The following SLA2 variants were observed in gnomAD, a reference collection of about 807,000 sequenced individuals.
SLA2 encodes the protein src-like-adapter 2.
A neutral mutation model predicts 27.3 loss-of-function variants in SLA2; 22 were observed. The ratio of observed to expected loss-of-function variants is 0.81; its 90% confidence interval spans 0.58 to 1.15. The LOEUF (loss-of-function observed/expected upper bound fraction) is 1.15, where lower values mean the gene tolerates loss of function less well. SLA2 is among the 50% of genes most tolerant of loss of function. The pLI is 0.00. For synonymous variants in SLA2, 131 were observed against 137.8 expected (o/e 0.95, Z 0.34); for missense variants, 304 against 322.2 (o/e 0.94, Z 0.43).
intron 5 of SLA2, among the ~76,000 whole-genome samples, chr20:36,627,387 C>A (rs2039350244): frequency 6.6e-6 from 1 of 152,120 alleles, no homozygotes; most frequent in African/African-American, 2.4e-5. Flanking sequence ...CCTAGCAGGA[C>A]CCTCCTGAAC....
At chr20:36,621,650 AC>A (rs1334078944) in intron 5 of SLA2, among the ~76,000 whole-genome samples, 2 of 150,160 alleles carry the variant, frequency 1.3e-5, no homozygotes, top group Non-Finnish European at 3.0e-5. Context: ...AAAACAAAAA[AC>A]AAAAACTGAA....
intron 5 of SLA2, among the ~76,000 whole-genome samples, chr20:36,631,443 A>G (rs1002789344): frequency 1.3e-5 from 2 of 152,162 alleles, no homozygotes; most frequent in African/African-American, 4.8e-5. Context: ...TGTGAGCCAC[A>G]GTGCCCGGCC....
chr20:36,625,415 G>A (rs935464518), intron 5 of SLA2, among the ~76,000 whole-genome samples: 1 of 151,898 alleles, frequency 6.6e-6, no homozygotes, highest in African/African-American at 2.4e-5. Context: ...AATAGAGATG[G>A]GGTTTCACCA....
intron 5 of SLA2, among the ~76,000 whole-genome samples, chr20:36,630,962 C>T (rs775916215): frequency 6.6e-6 from 1 of 152,192 alleles, no homozygotes; most frequent in African/African-American, 2.4e-5. Context: ...GTTTCTAGCT[C>T]TGACTGGCTA....
chr20:36,621,715 TAAG>T (rs1488345847), intron 5 of SLA2, among the ~76,000 whole-genome samples: 1 of 151,706 alleles, frequency 6.6e-6, no homozygotes, highest in African/African-American at 2.4e-5. Context: ...ATTTTAAAAA[TAAG>T]AACTAAACAT....
intron 1 of SLA2, among the ~76,000 whole-genome samples, chr20:36,643,326 A>G (rs754623189): frequency 1.6e-4 from 25 of 152,134 alleles, no homozygotes; most frequent in Non-Finnish European, 3.1e-4. Flanking sequence ...CATTCTTTTC[A>G]GTAGGGACAA....
chr20:36,633,402 C>T (rs1416157098), intron 4 of SLA2, 141 bp downstream of exon 4: 1 of 706,538 alleles, frequency 1.4e-6, no homozygotes, highest in Non-Finnish European at 2.5e-6. Context: ...GATGAGCTGT[C>T]TGCCCCTCTT....
At chr20:36,621,754 G>A (rs1186068692) in intron 5 of SLA2, among the ~76,000 whole-genome samples, 1 of 152,012 alleles carries the variant, frequency 6.6e-6, no homozygotes, top group African/African-American at 2.4e-5. Flanking sequence ...GCTAATGCCT[G>A]TAATCCAAGA....
Position 36,632,045 on chromosome 20 carries a change from C to A in SLA2, c.382+550G>T, listed in dbSNP as rs118120067. ...TCTCCTCTACTTCTAAGCAGGTGGC[C>A]CACAGAACACACTCAGAGAGTCCCT... On this transcript the variant is annotated intron_variant, in intron 5 of 7. Coordinates refer to ENST00000262866, the MANE Select transcript of SLA2 (RefSeq NM_032214.4). Among the ~76,000 whole-genome samples the A allele has an allele frequency of 1.6e-3, 249 of 152,232 alleles. 2 individuals are homozygous for A. Among genetic ancestry groups the A allele is most frequent in the Admixed American group, 3.5e-3 (54 of 15,292 alleles).
At chr20:36,627,891 T>C (rs2039355800) in intron 5 of SLA2, among the ~76,000 whole-genome samples, 1 of 152,224 alleles carries the variant, frequency 6.6e-6, no homozygotes, top group Non-Finnish European at 1.5e-5. Flanking sequence ...ACATGCAGGC[T>C]TGAAGCTCGT....
At chr20:36,638,987 C>T (rs142260907) in intron 2 of SLA2, among the ~76,000 whole-genome samples, 179 of 152,254 alleles carry the variant, frequency 1.2e-3, no homozygotes, top group African/African-American at 3.9e-3. Context: ...GCTGAGATTA[C>T]AGGCGTGCGC....
At chr20:36,642,904 G>A (rs990473973) in intron 1 of SLA2, among the ~76,000 whole-genome samples, 1 of 151,998 alleles carries the variant, frequency 6.6e-6, no homozygotes, top group African/African-American at 2.4e-5. Flanking sequence ...TAAGTTACGG[G>A]CTCATGCCAT....
rs1316348050 is a variant in SLA2 at position 36,613,684 on chromosome 20, G to A, written c.*182C>T. 4 of 649,954 alleles carry A rather than the reference G, an allele frequency of 6.2e-6. No homozygotes were observed. In the African/African-American group the frequency reaches 7.4e-5, roughly 12 times the overall value. The allele number at this position is 649,954 out of a possible 1,614,324, so 40.3% of individuals were successfully genotyped here. ...GCAGGTGGGATCATGGCACTGGAAGGAAGTAGGTGACTTCTAAGGGCTAAG... is the reference window on the plus strand; with the variant it reads ...GCAGGTGGGATCATGGCACTGGAAGAAAGTAGGTGACTTCTAAGGGCTAAG... On this transcript the variant is annotated 3_prime_UTR_variant, in exon 8 of 8. Coordinates refer to ENST00000262866, the MANE Select transcript of SLA2 (RefSeq NM_032214.4).
chr20:36,620,095 AAAAAT>A (rs1056381649), intron 5 of SLA2, among the ~76,000 whole-genome samples: 27 of 151,152 alleles, frequency 1.8e-4, no homozygotes, highest in Non-Finnish European at 3.1e-4. Context: ...CACCTCAAGA[AAAAAT>A]AAAAACAATG....
rs1555791227 is a variant in SLA2 at position 36,612,419 on chromosome 20, T to TATCA, written c.*1443_*1446dup. The TATCA allele has an allele frequency of 9.4e-5, 58 of 619,554 alleles. No individual in the cohort carries two copies. In the Admixed American group the frequency reaches 1.0e-3, roughly 11 times the overall value. 38.4% of individuals were successfully genotyped at this position (619,554 alleles called of 1,614,324 possible). ...TCCATCGGGTGTAGAGTTTTTAAAC[T>TATCA]ATCAATGGCATTTCAAGTCTTCTGA... On this transcript the variant is annotated 3_prime_UTR_variant, in exon 8 of 8. Transcript: ENST00000262866.
At chr20:36,636,623 A>ATATATATATATATAT (rs1555793206) in intron 2 of SLA2, among the ~76,000 whole-genome samples, 1 of 114,712 alleles carries the variant, frequency 8.7e-6, no homozygotes, top group African/African-American at 4.0e-5. Context: ...AAAAAAAAAA[A>ATATATATATATATAT]ATATATATAT....
intron 1 of SLA2, among the ~76,000 whole-genome samples, chr20:36,641,784 T>A (rs548174857): frequency 9.9e-4 from 151 of 152,074 alleles, no homozygotes; most frequent in South Asian, 2.5e-3. Context: ...GGGATCACAC[T>A]TGGCTACTGG....
At chr20:36,614,112 C>A (rs900575068) in intron 7 of SLA2, 126 bp from the exon 8 acceptor site, 2 of 1,485,792 alleles carry the variant, frequency 1.3e-6, no homozygotes, top group Non-Finnish European at 1.8e-6. Flanking sequence ...CTCCCCTGTT[C>A]CCTATCAGAT....
At chr20:36,634,685 G>A in intron 2 of SLA2, 96 bp from the exon 3 acceptor site, 1 of 691,562 alleles carries the variant, frequency 1.4e-6, no homozygotes, top group Non-Finnish European at 2.3e-6. Context: ...CCCAGCATCA[G>A]CCCTCCACAA....
Sources: allele counts gnomAD v4.1 joint callset (sites outside exome capture counted in the v4.1 genomes callset), GRCh38; gene constraint gnomAD v4.1.1; transcripts MANE v1.5; gene names NCBI Gene and HGNC (gene_info 2026-07-23, HGNC 2026-07-21).